The following SETBP1 variants were observed in gnomAD, a reference collection of about 807,000 sequenced individuals.
SETBP1 encodes the protein SET binding protein 1, also known as SET-binding protein.
A neutral mutation model predicts 101.0 loss-of-function variants in SETBP1; 9 were observed. The ratio of observed to expected loss-of-function variants is 0.09; its 90% CI spans 0.05 to 0.16. SETBP1 has a LOEUF of 0.16. Among genes scored for constraint, SETBP1 ranks in the 10% least tolerant of loss-of-function variants. SETBP1 has a pLI of 1.00. For missense variants in SETBP1, 1,858 were observed against 2,033.8 expected (o/e 0.91, Z 1.66); for synonymous variants, 818 against 788.5 (o/e 1.04, Z -0.63).
intron 3 of SETBP1, among the ~76,000 whole-genome samples, chr18:44,886,439 A>G (rs1325815345): frequency 1.3e-5 from 2 of 152,168 alleles, no homozygotes; most frequent in African/African-American, 2.4e-5. Flanking sequence ...ATGTTCCTCA[A>G]CTTACTTGGA....
intron 3 of SETBP1, among the ~76,000 whole-genome samples, chr18:44,923,252 A>G (rs917923409): frequency 6.6e-6 from 1 of 152,214 alleles, no homozygotes. Flanking sequence ...TCCCTTGCAT[A>G]AAAGGTGTGA....
intron 3 of SETBP1, among the ~76,000 whole-genome samples, chr18:44,897,881 G>A (rs564097613): frequency 6.6e-6 from 1 of 152,246 alleles, no homozygotes; most frequent in Non-Finnish European, 1.5e-5. Flanking sequence ...GATTTTTAGT[G>A]CACTTCTGGG....
At chr18:45,018,363 G>A (rs1026564196) in intron 4 of SETBP1, among the ~76,000 whole-genome samples, 1 of 152,156 alleles carries the variant, frequency 6.6e-6, no homozygotes, top group African/African-American at 2.4e-5. Flanking sequence ...TAGTTGTGTG[G>A]TTTTGTATGT....
intron 2 of SETBP1, among the ~76,000 whole-genome samples, chr18:44,735,283 GTTC>G (rs1331018120): frequency 1.3e-5 from 2 of 152,186 alleles, no homozygotes; most frequent in Admixed American, 6.5e-5. Context: ...CTGAATTTTA[GTTC>G]TTCTTTTTTC....
chr18:44,765,448 T>C (rs2070746582), intron 2 of SETBP1, among the ~76,000 whole-genome samples: 2 of 152,154 alleles, frequency 1.3e-5, no homozygotes, highest in South Asian at 2.1e-4. Flanking sequence ...TTGGTGATGG[T>C]TTCTAATTTT....
intron 2 of SETBP1, among the ~76,000 whole-genome samples, chr18:44,748,392 A>G (rs1250322624): frequency 6.6e-6 from 1 of 152,242 alleles, no homozygotes; most frequent in African/African-American, 2.4e-5. Context: ...AAACAAGAAC[A>G]TTGGTTTACT....
chr18:44,802,737 C>T (rs2071632619), intron 2 of SETBP1, among the ~76,000 whole-genome samples: 1 of 152,142 alleles, frequency 6.6e-6, no homozygotes, highest in Admixed American at 6.6e-5. Flanking sequence ...AACGATGACT[C>T]ATAGTTACTT....
intron 4 of SETBP1, among the ~76,000 whole-genome samples, chr18:45,004,322 T>C (rs2072680557): frequency 6.6e-6 from 1 of 152,214 alleles, no homozygotes; most frequent in African/African-American, 2.4e-5. Flanking sequence ...CCCAAATTCA[T>C]CTTTTTTACA....
At chr18:44,752,612 TTA>T (rs1213306729) in intron 2 of SETBP1, among the ~76,000 whole-genome samples, 3 of 152,202 alleles carry the variant, frequency 2.0e-5, no homozygotes, top group African/African-American at 4.8e-5. Context: ...TTTATATATT[TTA>T]TATGTTACTT....
At chr18:44,782,220 AG>A (rs1364054722) in intron 2 of SETBP1, among the ~76,000 whole-genome samples, 4 of 152,240 alleles carry the variant, frequency 2.6e-5, no homozygotes, top group African/African-American at 9.6e-5. Context: ...CTCCACGTTA[AG>A]GAGAGAGAAA....
At chr18:44,834,050 T>C (rs2072435136) in intron 2 of SETBP1, among the ~76,000 whole-genome samples, 2 of 152,304 alleles carry the variant, frequency 1.3e-5, no homozygotes, top group South Asian at 2.1e-4. Flanking sequence ...TCCATCAGAA[T>C]AGAGAATCAA....
intron 4 of SETBP1, among the ~76,000 whole-genome samples, chr18:45,007,179 A>G (rs1454073292): frequency 1.3e-5 from 2 of 152,176 alleles, no homozygotes; most frequent in Non-Finnish European, 2.9e-5. Flanking sequence ...TGCCTGGCCC[A>G]CAATATCTCT....
At chr18:44,872,888 C>G (rs953138027) in intron 3 of SETBP1, among the ~76,000 whole-genome samples, 1 of 152,214 alleles carries the variant, frequency 6.6e-6, no homozygotes, top group African/African-American at 2.4e-5. Flanking sequence ...AAAGCACAGA[C>G]TAAAGGATTT....
intron 2 of SETBP1, among the ~76,000 whole-genome samples, chr18:44,831,367 G>C (rs1333101685): frequency 6.6e-6 from 1 of 152,148 alleles, no homozygotes; most frequent in Non-Finnish European, 1.5e-5. Flanking sequence ...CCCCTCCAAA[G>C]GTCCATCTCT....
intron 3 of SETBP1, among the ~76,000 whole-genome samples, chr18:44,945,198 C>A (rs1452936463): frequency 3.9e-5 from 6 of 152,210 alleles, no homozygotes; most frequent in African/African-American, 1.4e-4. Context: ...AGGCAACCTA[C>A]AGAATGGGAG....
rs892268042 is a variant in SETBP1 at position 45,049,151 on chromosome 18, G to A, written c.4171+10496G>A. On this transcript the variant is annotated intron_variant, in intron 5 of 5. Coordinates refer to ENST00000649279, the MANE Select transcript of SETBP1 (RefSeq NM_015559.3). ...TAACAAAACTATTATTCAGCAATTG[G>A]TTGGTCATGAATTTTCAACTGAATG... 2.0e-5 allele frequency among the ~76,000 whole-genome samples: 3 copies of A among 152,158 alleles called. No individual in the cohort carries two copies. The East Asian group carries it at 5.8e-4, about 29-fold the overall frequency.
rs2073955367 is a variant in SETBP1 at position 45,065,532 on chromosome 18, G to C, written c.*1834G>C. On this transcript the variant is annotated 3_prime_UTR_variant, in exon 6 of 6. Coordinates refer to ENST00000649279, the MANE Select transcript of SETBP1 (RefSeq NM_015559.3). ...TTGGCAACATAAAAGAATAAGTGAT[G>C]GGGTATCTATGTGAGTAAATTTTTA... is the stretch of plus-strand genomic sequence containing the variant. The C allele has an allele frequency of 6.6e-6, 1 of 152,164 alleles. No individual in the cohort carries two copies. Among genetic ancestry groups the C allele is most frequent in the Non-Finnish European group, 1.5e-5 (1 of 68,022 alleles). 9.4% of individuals were successfully genotyped at this position (152,164 alleles called of 1,614,324 possible).
chr18:45,001,119 G>A (rs1231772000), intron 4 of SETBP1, among the ~76,000 whole-genome samples: 1 of 152,104 alleles, frequency 6.6e-6, no homozygotes, highest in Non-Finnish European at 1.5e-5. Flanking sequence ...CACACTAAAT[G>A]CTTGCCCTAC....
intron 2 of SETBP1, among the ~76,000 whole-genome samples, chr18:44,832,636 G>A (rs539454070): frequency 6.6e-6 from 1 of 152,120 alleles, no homozygotes; most frequent in Admixed American, 6.5e-5. Flanking sequence ...GTGCCCTTTG[G>A]GTCCCCCTCC....
Sources: gnomAD v4.1 joint callset for allele counts (sites outside exome capture counted in the v4.1 genomes callset) on GRCh38, gnomAD v4.1.1 for gene constraint, MANE v1.5 for transcripts, NCBI Gene and HGNC (gene_info 2026-07-23, HGNC 2026-07-21) for gene names.